Variants in OPCML observed in about 807,000 individuals in gnomAD.
OPCML encodes opioid-binding protein/cell adhesion molecule.
A neutral mutation model predicts 37.8 loss-of-function variants in OPCML; 13 were observed. The observed-to-expected ratio is 0.34, with a 90% CI of 0.22 to 0.55. The LOEUF is 0.55. Among genes scored for constraint, OPCML ranks in the 20% least tolerant of loss-of-function variants. The pLI is 0.91. For missense variants in OPCML, 341 were observed against 435.6 expected, an observed-to-expected ratio of 0.78 and a Z score of 1.93; for synonymous variants, 176 against 168.8, an observed-to-expected ratio of 1.04 and a Z score of -0.33.
intron 1 of OPCML, among the ~76,000 whole-genome samples, chr11:133,412,594 C>T (rs60695189): frequency 6.6e-6 from 1 of 152,168 alleles, no homozygotes; most frequent in Non-Finnish European, 1.5e-5. Context: ...GAGAACTTGT[C>T]GCATTACCAC....
intron 2 of OPCML, among the ~76,000 whole-genome samples, chr11:132,813,003 G>A (rs1329302996): frequency 6.6e-6 from 1 of 152,154 alleles, no homozygotes; most frequent in African/African-American, 2.4e-5. Flanking sequence ...ACACTGAGCA[G>A]TTCTGTAAAA....
intron 1 of OPCML, among the ~76,000 whole-genome samples, chr11:133,433,932 C>G (rs1441011269): frequency 1.3e-5 from 2 of 152,162 alleles, no homozygotes; most frequent in African/African-American, 4.8e-5. Flanking sequence ...ACCGGCTTCA[C>G]CATAGCTTAT....
chr11:133,245,234 T>C (rs1940878309), intron 1 of OPCML, among the ~76,000 whole-genome samples: 1 of 152,322 alleles, frequency 6.6e-6, no homozygotes, highest in Middle Eastern at 3.4e-3. Flanking sequence ...CAGGGGTCGT[T>C]CAAAGATAGG....
intron 2 of OPCML, among the ~76,000 whole-genome samples, chr11:132,897,527 C>A (rs910762195): frequency 6.6e-6 from 1 of 152,212 alleles, no homozygotes; most frequent in African/African-American, 2.4e-5. Context: ...CTCCCACCAC[C>A]TGCACCTATG....
chr11:132,753,366 G>A (rs150793456), intron 2 of OPCML, among the ~76,000 whole-genome samples: 8 of 152,276 alleles, frequency 5.3e-5, no homozygotes, highest in East Asian at 1.9e-4. Flanking sequence ...TGAGAGTTGC[G>A]AAGTCCAAGA....
chr11:133,498,664 G>A (rs1323307554), intron 1 of OPCML, among the ~76,000 whole-genome samples: 1 of 152,200 alleles, frequency 6.6e-6, no homozygotes, highest in Non-Finnish European at 1.5e-5. Context: ...CATAGATGCA[G>A]GCCTTATTGG....
intron 2 of OPCML, among the ~76,000 whole-genome samples, chr11:132,846,943 G>A (rs928893719): frequency 6.6e-6 from 1 of 152,206 alleles, no homozygotes; most frequent in African/African-American, 2.4e-5. Context: ...CCCCCCAGTG[G>A]AGTCTAATTC....
In OPCML at chr11:133,532,382, G is replaced by A; in HGVS notation, c.-58C>T. The A allele has an allele frequency of 6.3e-7, 1 of 1,581,418 alleles. No individual in the cohort carries two copies. The highest frequency in any genetic ancestry group is 1.7e-5 in the Admixed American group (1 of 57,796). On this transcript the variant is annotated 5_prime_UTR_variant, in exon 1 of 8. Coordinates refer to ENST00000524381, the MANE Select transcript of OPCML (RefSeq NM_001012393.5). The stretch of plus-strand genomic sequence containing the variant: ...TGCTACTGCTTCTGCTGCTGCTACC[G>A]CTGCTGCCTTCCTCTGTGCTGAATT...
intron 1 of OPCML, among the ~76,000 whole-genome samples, chr11:133,373,724 A>C (rs1028015419): frequency 6.6e-6 from 1 of 152,148 alleles, no homozygotes. Flanking sequence ...AAAATAAGTA[A>C]GTAAAACTAA....
chr11:132,469,534 GTA>G (rs2096129358), intron 4 of OPCML, among the ~76,000 whole-genome samples: 1 of 147,656 alleles, frequency 6.8e-6, no homozygotes, highest in Admixed American at 6.8e-5. Flanking sequence ...GTGTGTGTAT[GTA>G]TGTGTGTGGG....
chr11:132,881,708 T>C (rs1416521291), intron 2 of OPCML, among the ~76,000 whole-genome samples: 2 of 152,340 alleles, frequency 1.3e-5, no homozygotes, highest in Non-Finnish European at 2.9e-5. Context: ...ACACCAGTGA[T>C]TGCAAAAACG....
At chr11:133,159,094 G>A (rs1470973055) in intron 1 of OPCML, among the ~76,000 whole-genome samples, 2 of 152,204 alleles carry the variant, frequency 1.3e-5, no homozygotes, top group Non-Finnish European at 2.9e-5. Context: ...GCACTCCCAA[G>A]CTAATGGAAA....
At chr11:133,511,916 T>A (rs1029386373) in intron 1 of OPCML, among the ~76,000 whole-genome samples, 3 of 152,168 alleles carry the variant, frequency 2.0e-5, no homozygotes, top group Admixed American at 2.0e-4. Flanking sequence ...ATTTGTTGAA[T>A]GAATGAGTTA....
rs1429396550 is a variant in OPCML at position 132,572,949 on chromosome 11, G to A, written c.380-43763C>T. Among the ~76,000 whole-genome samples, 6 of 151,746 alleles carry A rather than the reference G, an allele frequency of 4.0e-5. No homozygotes were observed. In the South Asian group the frequency reaches 1.0e-3, roughly 26 times the overall value. ...TTATCGATCTTTTGTAGTTTTTAAT[G>A]TAAAAATTTTTCACCTCTATAGTTA... On this transcript the variant is annotated intron_variant, in intron 3 of 7. Transcript: ENST00000524381.
intron 2 of OPCML, among the ~76,000 whole-genome samples, chr11:132,822,188 C>T (rs767284724): frequency 1.4e-4 from 21 of 152,198 alleles, no homozygotes; most frequent in Middle Eastern, 3.4e-3. Context: ...GCAGGGCCAC[C>T]TTCCAATGTG....
chr11:132,592,269 G>A (rs1684369081), intron 3 of OPCML, among the ~76,000 whole-genome samples: 2 of 152,226 alleles, frequency 1.3e-5, no homozygotes, highest in East Asian at 1.9e-4. Context: ...TGCACGTGGA[G>A]GCATTGTGAG....
intron 2 of OPCML, among the ~76,000 whole-genome samples, chr11:132,738,262 C>G (rs1945323150): frequency 6.6e-6 from 1 of 152,168 alleles, no homozygotes; most frequent in South Asian, 2.1e-4. Flanking sequence ...TTGCAGTACA[C>G]CCTTTTAATT....
intron 1 of OPCML, among the ~76,000 whole-genome samples, chr11:133,147,767 A>G (rs1294588447): frequency 6.6e-6 from 1 of 152,104 alleles, no homozygotes; most frequent in Non-Finnish European, 1.5e-5. Flanking sequence ...CAAACTGCAA[A>G]TGATAGAATC....
chr11:133,162,610 G>A (rs776254138), intron 1 of OPCML, among the ~76,000 whole-genome samples: 33 of 152,268 alleles, frequency 2.2e-4, no homozygotes, highest in Non-Finnish European at 3.8e-4. Flanking sequence ...AACCCGATTT[G>A]GTGGTAAACA....
Sources: gnomAD v4.1 joint callset for allele counts (sites outside exome capture counted in the v4.1 genomes callset) on GRCh38, gnomAD v4.1.1 for gene constraint, MANE v1.5 for transcripts, NCBI Gene and HGNC (gene_info 2026-07-23, HGNC 2026-07-21) for gene names.